The following RP1 variants were observed in gnomAD, a reference collection of about 807,000 sequenced individuals.
RP1 encodes RP1 axonemal microtubule associated, also known as oxygen-regulated protein 1.
In RP1, 16 loss-of-function variants were observed where a neutral mutation model predicts 14.8. That is an observed-to-expected ratio of 1.08 (90% confidence interval 0.73 to 1.65). RP1 has a LOEUF of 1.65. RP1 is among the 40% of genes most tolerant of loss of function. The pLI is 0.00. For missense variants in RP1, 2,631 were observed against 2,535.0 expected, an observed-to-expected ratio of 1.04 and a Z score of -0.81; for synonymous variants, 876 against 883.6, an observed-to-expected ratio of 0.99 and a Z score of 0.15.
At chr8:54,735,366 A>G (rs530731701) in intron 18 of RP1, among the ~76,000 whole-genome samples, 18 of 152,242 alleles carry the variant, frequency 1.2e-4, no homozygotes, top group African/African-American at 3.1e-4. Context: ...CCAAGTTTCA[A>G]TTAGGACAAT....
At chr8:54,764,611 G>A (rs1809718991) in intron 22 of RP1, among the ~76,000 whole-genome samples, 1 of 152,246 alleles carries the variant, frequency 6.6e-6, no homozygotes, top group African/African-American at 2.4e-5. Context: ...CCCAAGGTTG[G>A]GCTGATGTCT....
intron 1 of RP1, among the ~76,000 whole-genome samples, chr8:54,564,695 T>A (rs1804362117): frequency 6.6e-6 from 1 of 152,188 alleles, no homozygotes; most frequent in Admixed American, 6.5e-5. Context: ...TCTCCCTAGT[T>A]ACCAATACAC....
chr8:54,610,687 C>G (rs1010619620), intron 1 of RP1, among the ~76,000 whole-genome samples: 2 of 152,158 alleles, frequency 1.3e-5, no homozygotes, highest in Non-Finnish European at 2.9e-5. Context: ...TCTTCCTTGA[C>G]AGTTTTATTG....
intron 1 of RP1, among the ~76,000 whole-genome samples, chr8:54,579,540 C>T (rs530171834): frequency 1.3e-5 from 2 of 152,270 alleles, no homozygotes; most frequent in East Asian, 3.9e-4. Flanking sequence ...TGAGTCCTAA[C>T]ATTCTCTTAC....
intron 1 of RP1, among the ~76,000 whole-genome samples, chr8:54,606,623 T>A (rs1298044820): frequency 6.6e-6 from 1 of 152,236 alleles, no homozygotes; most frequent in Non-Finnish European, 1.5e-5. Flanking sequence ...TCCTGGTTAA[T>A]ATCCTGCAGA....
In RP1 at chr8:54,803,718, C is replaced by T. The variant is rs113386908; in HGVS notation, c.3615+20008C>T. Among the ~76,000 whole-genome samples, 197 of 152,120 alleles carry T rather than the reference C, an allele frequency of 1.3e-3. 1 individual carries two copies. The highest frequency in any genetic ancestry group is 4.2e-3 in the African/African-American group (174 of 41,500). On this transcript the variant is annotated intron_variant, in intron 24 of 28. Coordinates refer to the RP1 transcript ENST00000637698. ...AGAAAAGAAGTGTTATGGGAATATACGCATATTCATATTTATATATACATA... is the reference window on the plus strand; with the variant it reads ...AGAAAAGAAGTGTTATGGGAATATATGCATATTCATATTTATATATACATA...
At chr8:54,733,133 C>T (rs1244729841) in intron 17 of RP1, among the ~76,000 whole-genome samples, 1 of 152,168 alleles carries the variant, frequency 6.6e-6, no homozygotes, top group African/African-American at 2.4e-5. Flanking sequence ...CACGGAATGC[C>T]TATCAAGCTT....
exon 20 of RP1, chr8:54,754,822 A>G: frequency 1.3e-6 from 2 of 1,522,866 alleles, no homozygotes; most frequent in Non-Finnish European, 1.8e-6. Context: ...CAACATATGA[A>G]AAGCAAGAAG....
intron 1 of RP1, among the ~76,000 whole-genome samples, chr8:54,564,605 C>T (rs536250388): frequency 6.6e-6 from 1 of 152,308 alleles, no homozygotes; most frequent in South Asian, 2.1e-4. Context: ...CTGTGACACA[C>T]ACTGAATAAG....
intron 24 of RP1, among the ~76,000 whole-genome samples, chr8:54,830,067 A>C (rs183740764): frequency 2.6e-5 from 4 of 152,148 alleles, no homozygotes; most frequent in Non-Finnish European, 5.9e-5. Context: ...GATAGTATTG[A>C]TAGTGTTCTA....
intron 19 of RP1, among the ~76,000 whole-genome samples, chr8:54,741,255 A>G (rs981489411): frequency 1.3e-5 from 2 of 152,166 alleles, no homozygotes; most frequent in Non-Finnish European, 2.9e-5. Flanking sequence ...AGTAGTGTAC[A>G]ATAATGTCCT....
At chr8:54,733,895 A>G (rs1808850777) in intron 17 of RP1, among the ~76,000 whole-genome samples, 1 of 152,130 alleles carries the variant, frequency 6.6e-6, no homozygotes. Flanking sequence ...CTTTACAAAC[A>G]GGAGTGACTG....
chr8:54,616,853 C>T lies in RP1; in HGVS notation c.-13+651C>T, dbSNP rs1395438619. ...TCAAGTGAGTGAGAGAGTGAAGACA[C>T]AGCCCTCTTGGTAGAGGCCAACTAT... On this transcript the variant is annotated intron_variant, in intron 1 of 3. Coordinates refer to ENST00000220676, the MANE Select transcript of RP1 (RefSeq NM_006269.2). 2.6e-5 allele frequency among the ~76,000 whole-genome samples: 4 copies of T among 152,184 alleles called. No homozygotes were observed. The East Asian group carries it at 7.7e-4, about 29-fold the overall frequency.
chr8:54,719,176 G>A (rs557872898), intron 15 of RP1, among the ~76,000 whole-genome samples: 1 of 151,978 alleles, frequency 6.6e-6, no homozygotes, highest in Admixed American at 6.6e-5. Flanking sequence ...CTTAGTTTAT[G>A]GTGCCCCTCC....
In RP1 at chr8:54,737,116, G is replaced by C. The variant is rs146863429; in HGVS notation, c.2722-1827G>C. On this transcript the variant is annotated intron_variant, in intron 18 of 22. Transcript: ENST00000636932. ...ATGTGGGATATTTTATTAAACTTGG[G>C]TTCAAATTTTACTTTTGGAACTTTC... Among the ~76,000 whole-genome samples, 1,059 of 152,208 alleles carry C rather than the reference G, an allele frequency of 7.0e-3. 8 individuals carry two copies. The highest frequency in any genetic ancestry group is 0.031 in the Middle Eastern group (9 of 294).
chr8:54,696,672 G>A (rs1013651944), intron 12 of RP1: 10 of 788,664 alleles, frequency 1.3e-5, no homozygotes, highest in African/African-American at 1.0e-4. Context: ...TTTGTTGTAC[G>A]CATCAAAAGG....
intron 7 of RP1, among the ~76,000 whole-genome samples, chr8:54,666,037 CAGCTCCT>C (rs1563341951): frequency 6.6e-6 from 1 of 151,998 alleles, no homozygotes; most frequent in East Asian, 1.9e-4. Context: ...CTATCCCCAT[CAGCTCCT>C]ACAGCTAGGT....
At chr8:54,709,396 G>T (rs1808243801) in intron 15 of RP1, among the ~76,000 whole-genome samples, 1 of 152,154 alleles carries the variant, frequency 6.6e-6, no homozygotes, top group African/African-American at 2.4e-5. Context: ...GAAATGCCAG[G>T]TTCAGGACTT....
At chr8:54,859,765 A>T (rs979073042) in intron 27 of RP1, among the ~76,000 whole-genome samples, 1 of 152,106 alleles carries the variant, frequency 6.6e-6, no homozygotes, top group African/African-American at 2.4e-5. Flanking sequence ...TTTATGAAGG[A>T]TGGAAACTTT....
Sources: gnomAD v4.1 joint callset for allele counts (sites outside exome capture counted in the v4.1 genomes callset) on GRCh38, gnomAD v4.1.1 for gene constraint, MANE v1.5 for transcripts, NCBI Gene and HGNC (gene_info 2026-07-23, HGNC 2026-07-21) for gene names.